The following C9orf43 variants were observed in gnomAD, a reference collection of about 807,000 sequenced individuals.
C9orf43 encodes the protein uncharacterized protein C9orf43.
C9orf43 carries 45 observed loss-of-function variants against 59.1 expected under a neutral mutation model. The ratio of observed to expected loss-of-function variants is 0.76; its 90% CI spans 0.60 to 0.98. C9orf43 has a LOEUF of 0.98. Among genes scored for constraint, C9orf43 ranks in the 50% least tolerant of loss-of-function variants. C9orf43 has a pLI of 0.00. For missense variants in C9orf43, 533 were observed against 554.9 expected, an observed-to-expected ratio of 0.96 and a Z score of 0.40; for synonymous variants, 203 against 196.8, an observed-to-expected ratio of 1.03 and a Z score of -0.26.
At chr9:113,411,116 A>C in intron 1 of C9orf43, 115 bp downstream of exon 1, 1 of 985,444 alleles carries the variant, frequency 1.0e-6, no homozygotes, top group African/African-American at 1.7e-5. Flanking sequence ...ATTAGGTCTC[A>C]GGAGTCAATT....
At chr9:113,428,764 C>A in intron 12 of C9orf43, 136 bp from the exon 13 acceptor site, 1 of 726,690 alleles carries the variant, frequency 1.4e-6, no homozygotes. Context: ...GTGGTAAAAG[C>A]TTCTCTTCAG....
At chr9:113,423,027 C>T (rs1295168864) in intron 6 of C9orf43, among the ~76,000 whole-genome samples, 1 of 152,096 alleles carries the variant, frequency 6.6e-6, no homozygotes, top group East Asian at 1.9e-4. Flanking sequence ...TTGCTGAATC[C>T]CCATCCCTAG....
rs538978344 is a variant in C9orf43 at position 113,414,474 on chromosome 9, G to A, written c.287+580G>A. ...TTTTTTTTTTACTTTTATTAGAGAC[G>A]AGGTCTTGCTTTGTTGCCTGGGCCG... is the stretch of plus-strand genomic sequence containing the variant. On this transcript the variant is annotated intron_variant, in intron 3 of 13. Transcript: ENST00000374165. Among the ~76,000 whole-genome samples, 10 of 150,352 alleles carry A rather than the reference G, an allele frequency of 6.7e-5. No homozygotes were observed. In the South Asian group the frequency reaches 1.5e-3, roughly 22 times the overall value.
chr9:113,428,985 A>C, intron 13 of C9orf43, 22 bp downstream of exon 13: 1 of 1,603,436 alleles, frequency 6.2e-7, no homozygotes, highest in Non-Finnish European at 8.5e-7. Context: ...GAGTAGAGGA[A>C]CCTTAGTAAG....
chr9:113,411,464 A>G (rs1255913770), intron 1 of C9orf43, among the ~76,000 whole-genome samples: 1 of 151,696 alleles, frequency 6.6e-6, no homozygotes, highest in Non-Finnish European at 1.5e-5. Flanking sequence ...ACGCCCGGCT[A>G]ATTTTTTTGT....
intron 13 of C9orf43, 73 bp downstream of exon 13, chr9:113,429,036 T>G: frequency 6.6e-7 from 1 of 1,512,904 alleles, no homozygotes; most frequent in Non-Finnish European, 9.2e-7. Flanking sequence ...TTGACCAGGA[T>G]AGTTTACCTC....
At chr9:113,417,231 T>C (rs1405414864) in intron 3 of C9orf43, among the ~76,000 whole-genome samples, 1 of 152,214 alleles carries the variant, frequency 6.6e-6, no homozygotes, top group Non-Finnish European at 1.5e-5. Flanking sequence ...GGTCCTTTTC[T>C]TCTGTCAAGG....
In C9orf43 at chr9:113,421,285, C is replaced by T; in HGVS notation, c.446+82C>T. 5.0e-6 allele frequency: 5 copies of T among 1,003,020 alleles called. No homozygotes were observed. In the South Asian group the frequency reaches 6.7e-5, roughly 13 times the overall value. 62.1% of individuals were successfully genotyped at this position (1,003,020 alleles called of 1,614,324 possible). A position where few individuals can be genotyped will look rare whatever the true frequency, so the allele number is the denominator to read the frequency against. ...CTGCAGCGTCCTTTTTGTGATCTCC[C>T]ATTTAGCCAGCTCATTGCAAGTAGC... On this transcript the variant is annotated intron_variant, in intron 5 of 13. Coordinates refer to ENST00000374165, the MANE Select transcript of C9orf43 (RefSeq NM_001278629.2).
Position 113,425,777 on chromosome 9 carries a change from G to A in C9orf43, c.1030+47G>A. The A allele has an allele frequency of 2.7e-6, 4 of 1,459,240 alleles. No individual in the cohort carries two copies. The East Asian group carries it at 6.8e-5, about 25-fold the overall frequency. The allele number at this position is 1,459,240 out of a possible 1,614,324, so 90.4% of individuals were successfully genotyped here. ...TTGGGGGTGATAGGATCCCTGAGGG[G>A]TAGGTATCTGAGGGCAGGAAAAGCT... On this transcript the variant is annotated intron_variant, in intron 11 of 13. Coordinates refer to ENST00000374165, the MANE Select transcript of C9orf43 (RefSeq NM_001278629.2).
At chr9:113,427,033 G>C (rs1486506852) in intron 11 of C9orf43, among the ~76,000 whole-genome samples, 1 of 152,120 alleles carries the variant, frequency 6.6e-6, no homozygotes, top group Non-Finnish European at 1.5e-5. Flanking sequence ...TGTGGGGTTG[G>C]GTATTTAAGG....
rs913848679 is a variant in C9orf43 at position 113,416,664 on chromosome 9, A to G, written c.288-2444A>G. Among the ~76,000 whole-genome samples the G allele has an allele frequency of 8.0e-5, 12 of 149,162 alleles. No homozygotes were observed. The South Asian group carries it at 2.1e-3, about 26-fold the overall frequency. ...CCCTACTGTTTCTTCTGAGTAGAAC[A>G]CTTTTTCTCTTAACTAGGTTTTTTT... On this transcript the variant is annotated intron_variant, in intron 3 of 13. Transcript: ENST00000374165.
intron 8 of C9orf43, among the ~76,000 whole-genome samples, chr9:113,424,746 G>A (rs1828719315): frequency 1.3e-5 from 2 of 152,028 alleles, no homozygotes; most frequent in East Asian, 1.9e-4. Context: ...GGCTGGTTTC[G>A]AACTCCTGAG....
intron 1 of C9orf43, among the ~76,000 whole-genome samples, chr9:113,412,230 GGAATTGGGCTCAGTGTTGTCAA>G (rs1175820204): frequency 6.6e-6 from 1 of 152,174 alleles, no homozygotes; most frequent in Non-Finnish European, 1.5e-5. Flanking sequence ...CTCTTCAACT[GGAATTGGGCTCAGTGTTGTCAA>G]GTATTTTGGT....
At chr9:113,426,851 G>T (rs1429511789) in intron 11 of C9orf43, among the ~76,000 whole-genome samples, 2 of 152,186 alleles carry the variant, frequency 1.3e-5, no homozygotes, top group Non-Finnish European at 2.9e-5. Flanking sequence ...GCAGTGGCCT[G>T]TCCTCACTGA....
chr9:113,419,500 G>A (rs1236151687), intron 4 of C9orf43, among the ~76,000 whole-genome samples: 1 of 152,130 alleles, frequency 6.6e-6, no homozygotes, highest in Admixed American at 6.6e-5. Context: ...TGGAATGGCA[G>A]ACCCAGGTAG....
At chr9:113,424,614 C>T (rs1358136910) in intron 8 of C9orf43, among the ~76,000 whole-genome samples, 14 of 151,478 alleles carry the variant, frequency 9.2e-5, no homozygotes. Flanking sequence ...GCAGCCTTGA[C>T]CTGCTGGGAT....
Position 113,424,299 on chromosome 9 carries a change from C to T in C9orf43, c.790C>T (p.His264Tyr), listed in dbSNP as rs201657547. 22 of 1,611,652 alleles carry T rather than the reference C, an allele frequency of 1.4e-5. No individual in the cohort carries two copies. In the South Asian group the frequency reaches 2.0e-4, roughly 15 times the overall value. ...VISSKMFLSI[H>Y]RLTLERPALR... ...TTCTTCTAAGATGTTTCTATCTATA[C>T]ACCGCCTCACCCTGGAAGTAAGAGC... The change falls in exon 8 of 14, where the codon CAC (histidine) becomes TAC (tyrosine). Residue 264 changes from histidine (H) to tyrosine (Y), a missense_variant. His to Tyr is a moderately conservative substitution (Grantham distance 83). Transcript: ENST00000374165.
At chr9:113,414,788 A>G (rs911006183) in intron 3 of C9orf43, among the ~76,000 whole-genome samples, 7 of 152,190 alleles carry the variant, frequency 4.6e-5, no homozygotes, top group African/African-American at 9.7e-5. Context: ...GGGAGGACAC[A>G]ATTCAGCCCA....
chr9:113,414,025 G>A (rs767236002), intron 3 of C9orf43, 131 bp downstream of exon 3: 40 of 982,888 alleles, frequency 4.1e-5, no homozygotes, highest in Non-Finnish European at 5.7e-5. Context: ...AAGAAGTGGT[G>A]AATAGGCAGT....
Sources: gnomAD v4.1 joint callset for allele counts (sites outside exome capture counted in the v4.1 genomes callset) on GRCh38, gnomAD v4.1.1 for gene constraint, MANE v1.5 for transcripts, NCBI Gene and HGNC (gene_info 2026-07-23, HGNC 2026-07-21) for gene names.